Variants in CDH13 observed in about 807,000 individuals in gnomAD.
The protein encoded by CDH13 is cadherin-13.
A neutral mutation model predicts 63.8 loss-of-function variants in CDH13; 24 were observed. That is an observed-to-expected ratio of 0.38 (90% CI 0.27 to 0.53). The LOEUF (loss-of-function observed/expected upper bound fraction) is 0.53. CDH13 is among the 20% of genes least tolerant of loss of function. The pLI, the probability that CDH13 is intolerant of heterozygous loss-of-function variation, is 0.85. For missense variants in CDH13, 1,049 were observed against 903.1 expected (o/e 1.16, Z -2.07); for synonymous variants, 503 against 355.3 (o/e 1.42, Z -4.67).
At chr16:82,794,386 A>G (rs1027286532) in intron 1 of CDH13, among the ~76,000 whole-genome samples, 1 of 115,684 alleles carries the variant, frequency 8.6e-6, no homozygotes, top group Non-Finnish European at 2.1e-5. Flanking sequence ...TCATCTGAAC[A>G]TCAGAAAGGA....
At chr16:82,839,086 T>C (rs2038895397) in intron 1 of CDH13, among the ~76,000 whole-genome samples, 1 of 152,220 alleles carries the variant, frequency 6.6e-6, no homozygotes, top group African/African-American at 2.4e-5. Flanking sequence ...GGCTAAGATG[T>C]GGCCCGTGGG....
chr16:83,084,739 A>G (rs532586819), intron 3 of CDH13, among the ~76,000 whole-genome samples: 1 of 152,268 alleles, frequency 6.6e-6, no homozygotes, highest in Non-Finnish European at 1.5e-5. Context: ...AAATATAAAA[A>G]TTAGCCAGGT....
At chr16:83,259,628 T>C (rs1461631596) in intron 5 of CDH13, among the ~76,000 whole-genome samples, 1 of 152,200 alleles carries the variant, frequency 6.6e-6, no homozygotes, top group Non-Finnish European at 1.5e-5. Flanking sequence ...AATAGAAGAC[T>C]TCTCAGTCTC....
chr16:83,430,457 T>C (rs1179464428), intron 6 of CDH13, among the ~76,000 whole-genome samples: 2 of 152,236 alleles, frequency 1.3e-5, no homozygotes, highest in Non-Finnish European at 2.9e-5. Flanking sequence ...TTGACTCTTA[T>C]TTACTTCCAC....
intron 6 of CDH13, among the ~76,000 whole-genome samples, chr16:83,473,648 G>A (rs949924311): frequency 6.6e-6 from 1 of 152,134 alleles, no homozygotes; most frequent in Non-Finnish European, 1.5e-5. Context: ...TGTAATGCAG[G>A]GCAAGGTCCT....
intron 8 of CDH13, among the ~76,000 whole-genome samples, chr16:83,662,135 C>G (rs1037697897): frequency 6.6e-6 from 1 of 152,190 alleles, no homozygotes; most frequent in Non-Finnish European, 1.5e-5. Flanking sequence ...GGAGAGGACT[C>G]TTCACTCAGG....
chr16:82,761,426 A>C (rs1353500543), intron 1 of CDH13, among the ~76,000 whole-genome samples: 1 of 152,154 alleles, frequency 6.6e-6, no homozygotes, highest in African/African-American at 2.4e-5. Context: ...TTAGTCACAG[A>C]GTGTGGGGCA....
chr16:83,231,060 G>C lies in CDH13; in HGVS notation c.636+13563G>C, dbSNP rs141227549. Among the ~76,000 whole-genome samples the C allele has an allele frequency of 2.0e-5, 3 of 152,290 alleles. No homozygotes were observed. The South Asian group carries it at 6.2e-4, about 32-fold the overall frequency. On this transcript the variant is annotated intron_variant, in intron 5 of 13. Coordinates refer to ENST00000567109, the MANE Select transcript of CDH13 (RefSeq NM_001257.5). The stretch of plus-strand genomic sequence containing the variant: ...CCCAGCTCTCTAAACTTGAGCAAAT[G>C]CTCAGAGCAAGACCTGGTGCTAGGA...
chr16:83,613,564 G>C (rs1426892349), intron 8 of CDH13, among the ~76,000 whole-genome samples: 1 of 152,160 alleles, frequency 6.6e-6, no homozygotes, highest in Non-Finnish European at 1.5e-5. Flanking sequence ...CAGGCACGGT[G>C]GCTCACGCCT....
At position 82,717,293 on chromosome 16, in the gene CDH13, A is replaced by G. The variant is rs145801380; in HGVS notation, c.45+90156A>G. Among the ~76,000 whole-genome samples the G allele has an allele frequency of 5.9e-4, 89 of 152,056 alleles. No homozygotes were observed. The East Asian group carries it at 0.014, about 24-fold the overall frequency. On this transcript the variant is annotated intron_variant, in intron 1 of 13. Transcript: ENST00000567109. ...CTACTAAAAATACAAAAAATTAATA[A>G]GGTGTGGTGGTTCGCAGCTGTAATC...
intron 1 of CDH13, among the ~76,000 whole-genome samples, chr16:82,725,416 C>G (rs1487210567): frequency 2.0e-5 from 3 of 152,162 alleles, no homozygotes; most frequent in African/African-American, 7.2e-5. Context: ...TACAAGCTAG[C>G]TCCACCACTT....
chr16:82,949,428 G>C (rs6565089), intron 2 of CDH13, among the ~76,000 whole-genome samples: 1 of 152,092 alleles, frequency 6.6e-6, no homozygotes, highest in Non-Finnish European at 1.5e-5. Context: ...CATGTGCACA[G>C]ATTCTATTCC....
intron 10 of CDH13, chr16:83,726,410 A>G (rs944901237): frequency 6.6e-6 from 1 of 152,108 alleles, no homozygotes. Context: ...TTCATTCTCC[A>G]GACAAATCGT....
chr16:83,590,135 T>C (rs1250837674), intron 7 of CDH13, among the ~76,000 whole-genome samples: 1 of 152,150 alleles, frequency 6.6e-6, no homozygotes, highest in Non-Finnish European at 1.5e-5. Context: ...ACTCAGACAT[T>C]ATCCTGTAGC....
At chr16:82,669,168 G>A (rs1243456344) in intron 1 of CDH13, among the ~76,000 whole-genome samples, 1 of 152,168 alleles carries the variant, frequency 6.6e-6, no homozygotes, top group East Asian at 1.9e-4. Context: ...ACCCACTACA[G>A]ACCATCGGAA....
chr16:83,216,443 T>TATATATATATATATATACAC (rs1472700247), intron 4 of CDH13, among the ~76,000 whole-genome samples: 3 of 93,420 alleles, frequency 3.2e-5, no homozygotes, highest in African/African-American at 1.2e-4. Flanking sequence ...TATATATATA[T>TATATATATATATATATACAC]ACACAACCCT....
chr16:83,038,023 A>G (rs1212867014), intron 3 of CDH13, among the ~76,000 whole-genome samples: 1 of 152,158 alleles, frequency 6.6e-6, no homozygotes, highest in Admixed American at 6.5e-5. Context: ...GGGGAACAGG[A>G]AGAGAAAGTA....
At chr16:83,159,769 G>A (rs902043833) in intron 4 of CDH13, among the ~76,000 whole-genome samples, 14 of 152,098 alleles carry the variant, frequency 9.2e-5, no homozygotes, top group Admixed American at 7.9e-4. Context: ...GAGCTGGATC[G>A]GTTTTTAAAT....
At chr16:82,762,898 A>G (rs2034907972) in intron 1 of CDH13, among the ~76,000 whole-genome samples, 1 of 152,174 alleles carries the variant, frequency 6.6e-6, no homozygotes, top group Non-Finnish European at 1.5e-5. Context: ...GAGTCCTTAA[A>G]GTGGATTAAT....
Sources: gnomAD v4.1 joint callset for allele counts (sites outside exome capture counted in the v4.1 genomes callset) on GRCh38, gnomAD v4.1.1 for gene constraint, MANE v1.5 for transcripts, NCBI Gene and HGNC (gene_info 2026-07-23, HGNC 2026-07-21) for gene names.